The following CACNA1D variants were observed in gnomAD, a reference collection of about 807,000 sequenced individuals.
The protein encoded by CACNA1D is voltage-dependent L-type calcium channel subunit alpha-1D.
Under a neutral mutation model 257.1 loss-of-function variants are expected in CACNA1D, and 55 were observed. That is an observed-to-expected ratio of 0.21 (90% CI 0.17 to 0.27). The LOEUF (loss-of-function observed/expected upper bound fraction) is 0.27. Among genes scored for constraint, CACNA1D ranks in the 10% least tolerant of loss-of-function variants. The pLI is 1.00. For synonymous variants in CACNA1D, 980 were observed against 1,014.9 expected, an observed-to-expected ratio of 0.97 and a Z score of 0.65; for missense variants, 1,876 against 2,784.0, an observed-to-expected ratio of 0.67 and a Z score of 7.34.
At chr3:53,537,938 A>G (rs922712317) in intron 3 of CACNA1D, among the ~76,000 whole-genome samples, 2 of 152,022 alleles carry the variant, frequency 1.3e-5, no homozygotes, top group Non-Finnish European at 2.9e-5. Flanking sequence ...AGGCTACTTC[A>G]CTGGTGACAT....
intron 3 of CACNA1D, among the ~76,000 whole-genome samples, chr3:53,643,741 G>A (rs1004557478): frequency 6.6e-6 from 1 of 152,248 alleles, no homozygotes; most frequent in Non-Finnish European, 1.5e-5. Context: ...CTTTGTGTCT[G>A]CCCTCCACTG....
Position 53,789,662 on chromosome 3 carries a change from C to T in CACNA1D, c.4923+2710C>T, listed in dbSNP as rs577828884. On this transcript the variant is annotated intron_variant, in intron 40 of 47. Coordinates refer to ENST00000350061, the MANE Select transcript of CACNA1D (RefSeq NM_001128840.3). This position sits in a 1 kb window ranked among gnomAD's most constrained non-coding sequence, Gnocchi z 4.2. ...AGGGTGCCCCATGGCTGGCAGACTG[C>T]GTGCTAATGGAAAGTGGAGCATGGC... is the stretch of plus-strand genomic sequence containing the variant. 5.9e-5 allele frequency among the ~76,000 whole-genome samples: 9 copies of T among 152,336 alleles called. No homozygotes were observed. Among genetic ancestry groups the T allele is most frequent in the South Asian group, 2.1e-4 (1 of 4,830 alleles).
intron 39 of CACNA1D, 132 bp from the exon 40 acceptor site, chr3:53,786,690 C>T (rs1394807636): frequency 6.3e-6 from 5 of 788,968 alleles, no homozygotes; most frequent in Non-Finnish European, 1.1e-5. Flanking sequence ...ATGCTGAGAC[C>T]TCGGTGCCTT....
intron 3 of CACNA1D, among the ~76,000 whole-genome samples, chr3:53,561,120 A>G (rs982281272): frequency 6.6e-6 from 1 of 152,182 alleles, no homozygotes; most frequent in Non-Finnish European, 1.5e-5. Flanking sequence ...AGGCACAGAG[A>G]GGACTGCTAG....
chr3:53,576,863 G>T (rs1421505785), intron 3 of CACNA1D, among the ~76,000 whole-genome samples: 1 of 152,156 alleles, frequency 6.6e-6, no homozygotes, highest in Non-Finnish European at 1.5e-5. Context: ...ATTGATAAAT[G>T]CCTACATTGT....
rs1318276697 is a variant in CACNA1D at position 53,801,169 on chromosome 3, A to C, written c.5152A>C (p.Ile1718Leu). 6.2e-7 allele frequency: 1 copy of C among 1,613,750 alleles called. No individual in the cohort carries two copies. Among genetic ancestry groups the C allele is most frequent in the Non-Finnish European group, 8.5e-7 (1 of 1,179,856 alleles). The part of the protein sequence containing the change: ...HRPLHVQRPS[I>L]PPASDTEKPL... ...TCCCCTGCATGTCCAAAGGCCTTCA[A>C]TTCCACCTGCAAGTGATACTGAGAA... Residue 1718 changes from isoleucine to leucine, a missense_variant, in exon 42 of 48, where the codon ATT (isoleucine) becomes CTT (leucine). Transcript: ENST00000350061.
At chr3:53,567,798 G>A (rs1413474238) in intron 3 of CACNA1D, among the ~76,000 whole-genome samples, 1 of 152,116 alleles carries the variant, frequency 6.6e-6, no homozygotes, top group Non-Finnish European at 1.5e-5. Flanking sequence ...ACACTGCCTG[G>A]GCTGTATACA....
intron 3 of CACNA1D, among the ~76,000 whole-genome samples, chr3:53,510,812 G>A (rs2091074342): frequency 6.6e-6 from 1 of 152,140 alleles, no homozygotes; most frequent in South Asian, 2.1e-4. Context: ...GGAGCATCTG[G>A]TTAGAGTAGA....
intron 9 of CACNA1D, among the ~76,000 whole-genome samples, chr3:53,705,555 C>A (rs1381689486): frequency 6.6e-6 from 1 of 152,208 alleles, no homozygotes. Context: ...GCAAATATTT[C>A]TGTGGTGCGC....
At chr3:53,724,045 C>T in intron 14 of CACNA1D, 46 bp downstream of exon 14, 1 of 1,439,256 alleles carries the variant, frequency 6.9e-7, no homozygotes, top group South Asian at 1.1e-5. Flanking sequence ...TGAGCAGCAG[C>T]TAAAACTCCT....
At chr3:53,616,180 C>T (rs568741568) in intron 3 of CACNA1D, among the ~76,000 whole-genome samples, 2 of 152,240 alleles carry the variant, frequency 1.3e-5, no homozygotes, top group East Asian at 3.9e-4. Context: ...GGGCTGTGCA[C>T]GTAGCAGGGT....
chr3:53,568,686 C>G (rs760756397), intron 3 of CACNA1D, among the ~76,000 whole-genome samples: 2 of 152,234 alleles, frequency 1.3e-5, no homozygotes, highest in Non-Finnish European at 2.9e-5. Context: ...ACTGGATCTT[C>G]CCAGTCAATA....
chr3:53,730,756 C>T (rs761254678), intron 16 of CACNA1D, among the ~76,000 whole-genome samples, 200 bp downstream of exon 16: 4 of 152,228 alleles, frequency 2.6e-5, no homozygotes, highest in Admixed American at 6.5e-5. Flanking sequence ...TGTCATCCCT[C>T]GGGGCTGAGA....
At chr3:53,795,798 G>C (rs534781196) in intron 40 of CACNA1D, among the ~76,000 whole-genome samples, 19 of 152,184 alleles carry the variant, frequency 1.2e-4, no homozygotes, top group African/African-American at 1.7e-4. Context: ...TTGTGTGCAG[G>C]CAAAGGTCAT....
chr3:53,772,936 C>T (rs762975253), intron 33 of CACNA1D, 38 bp downstream of exon 33: 8 of 1,542,118 alleles, frequency 5.2e-6, no homozygotes, highest in Middle Eastern at 1.7e-4. Flanking sequence ...GGCCCTTTCA[C>T]TGGGTAGCCC....
intron 3 of CACNA1D, among the ~76,000 whole-genome samples, chr3:53,649,182 G>A (rs2094059431): frequency 6.6e-6 from 1 of 152,204 alleles, no homozygotes; most frequent in African/African-American, 2.4e-5. Context: ...ATGCACAAGG[G>A]TGTTGGGGAT....
chr3:53,523,411 C>A (rs1448302982), intron 3 of CACNA1D, among the ~76,000 whole-genome samples: 2 of 152,182 alleles, frequency 1.3e-5, no homozygotes, highest in African/African-American at 4.8e-5. Context: ...GTAGTTTGGA[C>A]CAAGCTAGGA....
chr3:53,597,580 G>C (rs912781342), intron 3 of CACNA1D, among the ~76,000 whole-genome samples: 5 of 152,208 alleles, frequency 3.3e-5, no homozygotes, highest in African/African-American at 4.8e-5. Context: ...TAGGACAATT[G>C]CTATCATCCT....
Position 53,776,004 on chromosome 3 carries a change from A to G in CACNA1D, c.4321A>G (p.Ile1441Val), listed in dbSNP as rs754067835. ...GTATACATGTGGGAGCAACTTTGCCATTGTCTATTTCATCAGTTTTTACAT... is the reference window on the plus strand; with the variant it reads ...GTATACATGTGGGAGCAACTTTGCCGTTGTCTATTTCATCAGTTTTTACAT... Reference protein sequence around the residue: ...EEYTCGSNFAIVYFISFYMLC... With the variant: ...EEYTCGSNFAVVYFISFYMLC... Residue 1441 changes from isoleucine (I) to valine (V), a missense_variant, in exon 35 of 48, where the codon ATT (isoleucine) becomes GTT (valine). This residue lies in a region of CACNA1D where 83 missense variants were observed against 210.7 expected (regional missense o/e 0.39). Transcript: ENST00000350061. The G allele has an allele frequency of 6.8e-6, 11 of 1,613,980 alleles. No homozygotes were observed. In the East Asian group the frequency reaches 2.4e-4, roughly 36 times the overall value.
Sources: gnomAD v4.1 joint callset for allele counts (sites outside exome capture counted in the v4.1 genomes callset) on GRCh38, gnomAD v4.1.1 for gene constraint, gnomAD v4.1.1 regional missense constraint, Gnocchi (gnomAD v3.1) non-coding constraint, MANE v1.5 for transcripts, NCBI Gene and HGNC (gene_info 2026-07-23, HGNC 2026-07-21) for gene names.